The following BMAL1 variants were observed in gnomAD, a reference collection of about 807,000 sequenced individuals.
The protein encoded by BMAL1 is basic helix-loop-helix ARNT-like protein 1.
the BMAL1 span, among the ~76,000 whole-genome samples, chr11:13,382,809 C>T: frequency 1.2e-4 from 18 of 152,146 alleles, no homozygotes; most frequent in Admixed American, 9.2e-4. Flanking sequence ...GGCTCCTCAG[C>T]GTTCGTTTTA....
At chr11:13,338,496 C>G in the BMAL1 span, among the ~76,000 whole-genome samples, 18 of 152,330 alleles carry the variant, frequency 1.2e-4, no homozygotes, top group African/African-American at 4.3e-4. Flanking sequence ...GTGCCATTCC[C>G]CCAGCCCATT....
the BMAL1 span, among the ~76,000 whole-genome samples, chr11:13,304,097 G>A: frequency 1.3e-5 from 2 of 152,100 alleles, no homozygotes; most frequent in Non-Finnish European, 2.9e-5. Context: ...GGAATGACAA[G>A]CAGAGCCAGA....
chr11:13,311,990 G>A, the BMAL1 span, among the ~76,000 whole-genome samples: 1 of 152,186 alleles, frequency 6.6e-6, no homozygotes. Flanking sequence ...ATTTAATTAT[G>A]TATCAATTTG....
the BMAL1 span, chr11:13,385,670 T>G: frequency 1.9e-6 from 3 of 1,576,240 alleles, no homozygotes; most frequent in South Asian, 3.3e-5. Context: ...ACTTCACACT[T>G]CCCTCCTTTT....
chr11:13,303,230 C>T, the BMAL1 span, among the ~76,000 whole-genome samples: 29 of 152,234 alleles, frequency 1.9e-4, 1 homozygote, highest in South Asian at 6.2e-4. Flanking sequence ...CCATGTGCTC[C>T]ATTCATTCAT....
At chr11:13,309,355 C>A in the BMAL1 span, among the ~76,000 whole-genome samples, 502 of 152,196 alleles carry the variant, frequency 3.3e-3, 2 homozygotes, top group African/African-American at 0.011. Flanking sequence ...GGCCCAGCAT[C>A]CTGGCTGTGG....
the BMAL1 span, among the ~76,000 whole-genome samples, chr11:13,337,557 A>T: frequency 2.0e-5 from 3 of 152,364 alleles, no homozygotes; most frequent in East Asian, 5.8e-4. Context: ...GTTTATATTC[A>T]GATATACAGT....
At chr11:13,378,539 AT>A in the BMAL1 span, 4 of 1,529,122 alleles carry the variant, frequency 2.6e-6, no homozygotes, top group Middle Eastern at 1.7e-4. Context: ...GTCAGGAGAC[AT>A]TTTTGGTCTT....
At chr11:13,284,410 T>A in the BMAL1 span, among the ~76,000 whole-genome samples, 1 of 151,468 alleles carries the variant, frequency 6.6e-6, no homozygotes, top group Non-Finnish European at 1.5e-5. Context: ...CCACTTTTTT[T>A]TTTTCAAAGA....
the BMAL1 span, among the ~76,000 whole-genome samples, chr11:13,362,359 TAA>T: frequency 7.7e-4 from 118 of 152,350 alleles, no homozygotes; most frequent in African/African-American, 2.7e-3. Flanking sequence ...TTTTTGAACT[TAA>T]GATAGGACTT....
At chr11:13,281,047 C>T in the BMAL1 span, among the ~76,000 whole-genome samples, 1 of 152,198 alleles carries the variant, frequency 6.6e-6, no homozygotes, top group Non-Finnish European at 1.5e-5. Context: ...CTCGTGGAGT[C>T]TGTGTGAGGA....
chr11:13,378,111 G>A, the BMAL1 span, among the ~76,000 whole-genome samples: 1 of 152,120 alleles, frequency 6.6e-6, no homozygotes, highest in Non-Finnish European at 1.5e-5. Flanking sequence ...GAAAGAATTA[G>A]ATGCTGTATG....
At chr11:13,356,378 G>T in the BMAL1 span, 11 of 508,078 alleles carry the variant, frequency 2.2e-5, no homozygotes, top group African/African-American at 1.5e-4. Context: ...AGAATGATGG[G>T]GGGGGAGAAT....
At chr11:13,354,500 G>A in the BMAL1 span, 18 of 1,590,706 alleles carry the variant, frequency 1.1e-5, no homozygotes, top group Non-Finnish European at 1.5e-5. Context: ...GTCAGTTCTC[G>A]GGCATGGAAC....
the BMAL1 span, among the ~76,000 whole-genome samples, chr11:13,299,698 C>T: frequency 2.0e-5 from 3 of 152,126 alleles, no homozygotes; most frequent in Admixed American, 6.5e-5. Flanking sequence ...GCACGCAGAG[C>T]CCATGCTCTC....
At chr11:13,315,384 C>G in the BMAL1 span, among the ~76,000 whole-genome samples, 1 of 152,232 alleles carries the variant, frequency 6.6e-6, no homozygotes, top group Non-Finnish European at 1.5e-5. Context: ...CATTCCCATG[C>G]CAGCATCTAG....
chr11:13,281,372 C>G, the BMAL1 span, among the ~76,000 whole-genome samples: 9 of 152,108 alleles, frequency 5.9e-5, no homozygotes, highest in African/African-American at 2.2e-4. Context: ...ATCTCCTGCT[C>G]CATTCTTAGT....
chr11:13,380,131 T>C, the BMAL1 span: 2 of 152,274 alleles, frequency 1.3e-5, no homozygotes, highest in South Asian at 4.1e-4. Flanking sequence ...GGGAAAATAG[T>C]GGTTTCATAG....
the BMAL1 span, chr11:13,376,547 C>A: frequency 8.4e-7 from 1 of 1,191,676 alleles, no homozygotes; most frequent in Non-Finnish European, 1.3e-6. Flanking sequence ...CTGTCCAGGT[C>A]CAGAGTGGAC....
Sources: gnomAD v4.1 joint callset for allele counts (sites outside exome capture counted in the v4.1 genomes callset) on GRCh38, gnomAD v4.1.1 for gene constraint, MANE v1.5 for transcripts, NCBI Gene and HGNC (gene_info 2026-07-23, HGNC 2026-07-21) for gene names.